CPEB1: variants seen among roughly 807,000 people sequenced by gnomAD.
CPEB1 encodes cytoplasmic polyadenylation element binding protein 1.
CPEB1 carries 7 observed loss-of-function variants against 65.8 expected under a neutral mutation model. The ratio of observed to expected loss-of-function variants is 0.11; its 90% confidence interval spans 0.06 to 0.20. The LOEUF is 0.20. CPEB1 is among the 10% of genes least tolerant of loss of function. The pLI, the probability that CPEB1 is intolerant of heterozygous loss-of-function variation, is 1.00. For synonymous variants in CPEB1, 262 were observed against 260.0 expected (o/e 1.01, Z -0.08); for missense variants, 551 against 712.2 (o/e 0.77, Z 2.58).
intron 1 of CPEB1, among the ~76,000 whole-genome samples, chr15:82,641,991 A>T (rs771845421): frequency 2.0e-5 from 3 of 151,686 alleles, no homozygotes; most frequent in East Asian, 3.9e-4. Context: ...TTGGATACTA[A>T]CTTTTTACAG....
At chr15:82,592,927 G>A (rs1345170449) in intron 3 of CPEB1, among the ~76,000 whole-genome samples, 1 of 152,188 alleles carries the variant, frequency 6.6e-6, no homozygotes, top group Non-Finnish European at 1.5e-5. Context: ...AACCTGGGAG[G>A]CGGAGGTTGC....
chr15:82,571,917 A>G, intron 3 of CPEB1: 1 of 935,646 alleles, frequency 1.1e-6, no homozygotes, highest in Non-Finnish European at 1.3e-6. Flanking sequence ...AGGGAAAGAC[A>G]GCACAACAGC....
intron 3 of CPEB1, among the ~76,000 whole-genome samples, chr15:82,607,133 T>C (rs372783081): frequency 2.0e-5 from 3 of 150,262 alleles, no homozygotes; most frequent in South Asian, 2.1e-4. Flanking sequence ...ACAAGACATA[T>C]GGAAAACAAA....
At chr15:82,612,335 A>G (rs565725864) in intron 3 of CPEB1, among the ~76,000 whole-genome samples, 4 of 152,016 alleles carry the variant, frequency 2.6e-5, no homozygotes, top group Admixed American at 2.6e-4. Flanking sequence ...CATCTCTACT[A>G]AAAATACAAA....
At chr15:82,628,666 C>T in intron 1 of CPEB1, 110 bp from the exon 2 acceptor site, 1 of 559,622 alleles carries the variant, frequency 1.8e-6, no homozygotes, top group Non-Finnish European at 3.2e-6. Flanking sequence ...ACTGACTGTG[C>T]CTGCTTCTCC....
intron 3 of CPEB1, among the ~76,000 whole-genome samples, chr15:82,580,627 CT>C (rs1360288347): frequency 6.6e-6 from 1 of 151,938 alleles, no homozygotes; most frequent in African/African-American, 2.4e-5. Flanking sequence ...ACCTCTAGAG[CT>C]TTTTTTACGC....
chr15:82,638,279 A>G (rs1364244224), intron 1 of CPEB1, among the ~76,000 whole-genome samples: 1 of 152,214 alleles, frequency 6.6e-6, no homozygotes, highest in Non-Finnish European at 1.5e-5. Context: ...TGTTACATTA[A>G]AACACATGGG....
intron 3 of CPEB1, among the ~76,000 whole-genome samples, chr15:82,578,868 G>A (rs940913929): frequency 6.6e-6 from 1 of 152,008 alleles, no homozygotes; most frequent in Non-Finnish European, 1.5e-5. Context: ...TCACTCTGTC[G>A]TCCTGACTGC....
At chr15:82,584,713 T>C (rs988448031) in intron 3 of CPEB1, among the ~76,000 whole-genome samples, 5 of 149,716 alleles carry the variant, frequency 3.3e-5, no homozygotes, top group Non-Finnish European at 7.4e-5. Context: ...AATGCATCTA[T>C]CTACACAGTA....
rs1567161437 is a variant in CPEB1, at chr15:82,544,621, G to A, written c.1738C>T (p.Arg580Trp). The change falls in exon 13 of 13, where the codon CGG (arginine) becomes TGG (tryptophan). Residue 580 changes from arginine to tryptophan, a missense_variant. Arg to Trp is a moderately radical substitution (Grantham distance 101, BLOSUM62 -3). Transcript: ENST00000684509. The stretch of plus-strand genomic sequence containing the variant: ...CTGGAATCTCGGTTCTTCTGGTTCC[G>A]CATCAGGGGGCTGTGGTGGCGCAGG... ...EGLRHHSPLM[R>W]NQKNRDSS The A allele has an allele frequency of 5.0e-6, 8 of 1,612,912 alleles. No homozygotes were observed. Among genetic ancestry groups the A allele is most frequent in the South Asian group, 2.2e-5 (2 of 90,992 alleles).
chr15:82,587,479 A>T (rs2041893104), intron 3 of CPEB1, among the ~76,000 whole-genome samples: 2 of 152,228 alleles, frequency 1.3e-5, no homozygotes, highest in African/African-American at 4.8e-5. Context: ...GCATATGACA[A>T]AGGAGAACAC....
chr15:82,587,818 CAT>C (rs1371468498), intron 3 of CPEB1, among the ~76,000 whole-genome samples: 2 of 152,258 alleles, frequency 1.3e-5, no homozygotes, highest in African/African-American at 4.8e-5. Context: ...GCTATCTGGT[CAT>C]ATGTTTTAAG....
At chr15:82,575,986 C>T (rs1267551551) in intron 3 of CPEB1, among the ~76,000 whole-genome samples, 1 of 152,128 alleles carries the variant, frequency 6.6e-6, no homozygotes, top group African/African-American at 2.4e-5. Context: ...AGGAATTCAA[C>T]TAAGAGGAGT....
At chr15:82,631,400 T>C (rs575231837) in intron 1 of CPEB1, among the ~76,000 whole-genome samples, 1 of 152,210 alleles carries the variant, frequency 6.6e-6, no homozygotes, top group East Asian at 1.9e-4. Context: ...TTACCAATGT[T>C]TGCCTTAACC....
At chr15:82,581,577 A>G (rs1423685451) in intron 3 of CPEB1, among the ~76,000 whole-genome samples, 1 of 152,176 alleles carries the variant, frequency 6.6e-6, no homozygotes, top group African/African-American at 2.4e-5. Context: ...CAATGCACAA[A>G]TGTTCTAATT....
At chr15:82,591,386 C>A (rs951046810) in intron 3 of CPEB1, among the ~76,000 whole-genome samples, 1 of 152,106 alleles carries the variant, frequency 6.6e-6, no homozygotes, top group Non-Finnish European at 1.5e-5. Context: ...CTCAGCCTCC[C>A]GAGTAGCTGA....
chr15:82,570,276 C>A (rs1024876472), intron 4 of CPEB1, among the ~76,000 whole-genome samples: 2 of 152,076 alleles, frequency 1.3e-5, no homozygotes, highest in Non-Finnish European at 2.9e-5. Context: ...CAAGACAGTA[C>A]CTTGCTGCCA....
At chr15:82,593,357 T>C (rs957575892) in intron 3 of CPEB1, among the ~76,000 whole-genome samples, 3 of 152,258 alleles carry the variant, frequency 2.0e-5, no homozygotes, top group Admixed American at 1.3e-4. Context: ...TCACAGCATC[T>C]GCACCAGGAG....
rs771836453 is a variant in CPEB1 at position 82,556,139 on chromosome 15, G to A, written c.688-17C>T. 3 of 1,582,756 alleles carry A rather than the reference G, an allele frequency of 1.9e-6. No individual in the cohort carries two copies. In the Admixed American group the frequency reaches 5.9e-5, roughly 31 times the overall value. On this transcript the variant is annotated splice_polypyrimidine_tract_variant and intron_variant, in intron 5 of 12. Coordinates refer to ENST00000684509, the MANE Select transcript of CPEB1 (RefSeq NM_001365242.1). Reference sequence around the variant, plus strand: ...AAGGCTTGACTAGGGGAGGAAAAAGGAAGACAGGGTTTTAAAGGCTAGTTT... The same window carrying A: ...AAGGCTTGACTAGGGGAGGAAAAAGAAAGACAGGGTTTTAAAGGCTAGTTT...
Sources: gnomAD v4.1 joint callset for allele counts (sites outside exome capture counted in the v4.1 genomes callset) on GRCh38, gnomAD v4.1.1 for gene constraint, MANE v1.5 for transcripts, NCBI Gene and HGNC (gene_info 2026-07-23, HGNC 2026-07-21) for gene names.